The following SEPTIN9 variants were observed in gnomAD, a reference collection of about 807,000 sequenced individuals.
SEPTIN9 encodes the protein septin-9.
A neutral mutation model predicts 56.6 loss-of-function variants in SEPTIN9; 13 were observed. The observed-to-expected ratio is 0.23, with a 90% CI of 0.15 to 0.37. The LOEUF is 0.37. SEPTIN9 is among the 10% of genes least tolerant of loss of function. SEPTIN9 has a pLI of 1.00. For missense variants in SEPTIN9, 650 were observed against 823.1 expected (o/e 0.79, Z 2.57); for synonymous variants, 332 against 334.1 (o/e 0.99, Z 0.07).
chr17:77,497,083 G>A (rs2040299879), intron 10 of SEPTIN9: 2 of 607,818 alleles, frequency 3.3e-6, no homozygotes, highest in South Asian at 3.7e-5. Context: ...CAGGAGCTGA[G>A]CTGTCCAGGA....
intron 4 of SEPTIN9, among the ~76,000 whole-genome samples, chr17:77,485,100 TGTGGTGATGTGGGTGGTG>T (rs1555678812): frequency 2.5e-3 from 7 of 2,782 alleles, no homozygotes; most frequent in Admixed American, 0.011. Flanking sequence ...TGGTGGTGAT[TGTGGTGATGTGGGTGGTG>T]GTGGTGATGT....
intron 2 of SEPTIN9, among the ~76,000 whole-genome samples, chr17:77,332,800 G>A (rs571450872): frequency 2.6e-5 from 4 of 152,160 alleles, no homozygotes; most frequent in Non-Finnish European, 4.4e-5. Flanking sequence ...AGGTGCCAGC[G>A]ATTTGTTCTG....
Position 77,346,825 on chromosome 17 carries a change from G to C in SEPTIN9, c.76+39628G>C, listed in dbSNP as rs192924651. 3.4e-4 allele frequency among the ~76,000 whole-genome samples: 52 copies of C among 152,234 alleles called. 1 individual carries two copies. The highest frequency in any genetic ancestry group is 1.2e-3 in the African/African-American group (49 of 41,520). ...GGAGCTTAATCTCTGGTGCAGTGGT[G>C]TTGGGAATTGGGGCATCAGGGAAGT... On this transcript the variant is annotated intron_variant, in intron 2 of 11. Coordinates refer to ENST00000427177, the MANE Select transcript of SEPTIN9 (RefSeq NM_001113491.2).
chr17:77,413,063 G>A (rs1215427047), intron 3 of SEPTIN9, among the ~76,000 whole-genome samples: 3 of 151,264 alleles, frequency 2.0e-5, no homozygotes, highest in Admixed American at 6.6e-5. Flanking sequence ...ACACAGCAGC[G>A]AGCTTGGTCT....
In SEPTIN9 at chr17:77,323,267, G is replaced by T. The variant is rs758557013; in HGVS notation, c.76+16070G>T. Reference sequence around the variant, plus strand: ...ATGAGTCATGGAGTGGTGACTGGCCGCTGAGGCATGGAAGGCCACTCCTTC... The same window carrying T: ...ATGAGTCATGGAGTGGTGACTGGCCTCTGAGGCATGGAAGGCCACTCCTTC... On this transcript the variant is annotated intron_variant, in intron 2 of 11. Coordinates refer to ENST00000427177, the MANE Select transcript of SEPTIN9 (RefSeq NM_001113491.2). The surrounding 1 kb of genome is among the most constrained non-coding windows in gnomAD (Gnocchi z 6.8). Among the ~76,000 whole-genome samples the T allele has an allele frequency of 6.6e-6, 1 of 152,152 alleles. No individual in the cohort carries two copies. The highest frequency in any genetic ancestry group is 1.5e-5 in the Non-Finnish European group (1 of 68,018).
rs1338602320 is a variant in SEPTIN9, at chr17:77,453,523, T to C, written c.722-28621T>C. Among the ~76,000 whole-genome samples the C allele has an allele frequency of 6.6e-6, 1 of 151,490 alleles. No individual in the cohort carries two copies. Among genetic ancestry groups the C allele is most frequent in the East Asian group, 1.9e-4 (1 of 5,160 alleles). On this transcript the variant is annotated intron_variant, in intron 3 of 11. Coordinates refer to ENST00000427177, the MANE Select transcript of SEPTIN9 (RefSeq NM_001113491.2). This position sits in a 1 kb window ranked among gnomAD's most constrained non-coding sequence, Gnocchi z 4.4. ...GGGAGGCTGAGACAGGAGAATCACTTGAACCTGGGAGGTGGAGGTTGCAGT... is the reference window on the plus strand; with the variant it reads ...GGGAGGCTGAGACAGGAGAATCACTCGAACCTGGGAGGTGGAGGTTGCAGT...
rs2037685702 is a variant in SEPTIN9 at position 77,445,091 on chromosome 17, G to A, written c.722-37053G>A. The A allele has an allele frequency of 2.2e-6, 1 of 448,642 alleles. No homozygotes were observed. The highest frequency in any genetic ancestry group is 2.0e-5 in the African/African-American group (1 of 49,328). 27.8% of individuals were successfully genotyped at this position (448,642 alleles called of 1,614,324 possible). On this transcript the variant is annotated intron_variant, in intron 3 of 11. Coordinates refer to ENST00000427177, the MANE Select transcript of SEPTIN9 (RefSeq NM_001113491.2). The surrounding 1 kb of genome is among the most constrained non-coding windows in gnomAD (Gnocchi z 4.7). ...GAGGCCCCTCTGTCCCACCATGCCT[G>A]CCTGGGGACGGCCTTCACTCGGGCT...
At chr17:77,343,236 A>G (rs1460091077) in intron 2 of SEPTIN9, among the ~76,000 whole-genome samples, 1 of 151,924 alleles carries the variant, frequency 6.6e-6, no homozygotes, top group Non-Finnish European at 1.5e-5. Flanking sequence ...TTTCCCATCC[A>G]CCTCCTGCGA....
intron 3 of SEPTIN9, among the ~76,000 whole-genome samples, chr17:77,403,140 T>G (rs2035959205): frequency 2.0e-5 from 3 of 152,056 alleles, no homozygotes; most frequent in African/African-American, 7.2e-5. Context: ...TGGCTCCTGC[T>G]TGAGGAATTG....
intron 1 of SEPTIN9, among the ~76,000 whole-genome samples, chr17:77,299,007 C>G (rs770750386): frequency 6.6e-6 from 1 of 152,186 alleles, no homozygotes; most frequent in Non-Finnish European, 1.5e-5. Flanking sequence ...TCCTCACTCT[C>G]TCTGCATCCT....
rs1437083082 is a variant in SEPTIN9, at chr17:77,421,530, C to CAA, written c.721+18827_721+18828insAA. Among the ~76,000 whole-genome samples the CAA allele has an allele frequency of 6.6e-6, 1 of 152,200 alleles. No homozygotes were observed. The highest frequency in any genetic ancestry group is 1.5e-5 in the Non-Finnish European group (1 of 68,046). ...GCTCCGGCAAGAGCAGGGAGGCTCACGTCTCTGCCTGCTGGTTTTGCTTCC... is the reference window on the plus strand; with the variant it reads ...GCTCCGGCAAGAGCAGGGAGGCTCACAAGTCTCTGCCTGCTGGTTTTGCTTCC... On this transcript the variant is annotated intron_variant, in intron 3 of 11. Transcript: ENST00000427177. This position sits in a 1 kb window ranked among gnomAD's most constrained non-coding sequence, Gnocchi z 4.6.
intron 3 of SEPTIN9, among the ~76,000 whole-genome samples, chr17:77,479,548 G>C (rs1003243471): frequency 6.6e-6 from 1 of 152,236 alleles, no homozygotes; most frequent in Non-Finnish European, 1.5e-5. Flanking sequence ...TGGCAAAGAT[G>C]GGGCTCGGCT....
intron 3 of SEPTIN9, among the ~76,000 whole-genome samples, chr17:77,473,946 T>C (rs946154762): frequency 2.0e-5 from 3 of 152,234 alleles, no homozygotes; most frequent in Non-Finnish European, 4.4e-5. Context: ...AGAGCAGTTC[T>C]TTCTCTGAGG....
chr17:77,281,552 C>G lies in SEPTIN9; in HGVS notation c.17C>G (p.Ser6Ter). The stretch of plus-strand genomic sequence containing the variant: ...GGAGGCACCATGAAGAAGTCTTACT[C>G]AGGTGGGCTTCGCGCCCGGGGTGGG... The part of the protein sequence containing the change: MKKSY[S>*]GGTRTSSGRL... Residue 6 changes from serine (S) to a stop codon, truncating the protein, a stop_gained and splice_region_variant, in exon 1 of 12, where the codon TCA becomes TGA. Transcript: ENST00000427177. LOFTEE classifies it high-confidence loss of function. The G allele has an allele frequency of 6.5e-7, 1 of 1,545,282 alleles. No individual in the cohort carries two copies. Among genetic ancestry groups the G allele is most frequent in the Non-Finnish European group, 8.7e-7 (1 of 1,145,570 alleles).
chr17:77,366,763 G>A (rs1233651850), intron 2 of SEPTIN9, among the ~76,000 whole-genome samples: 2 of 152,214 alleles, frequency 1.3e-5, no homozygotes, highest in East Asian at 1.9e-4. Flanking sequence ...AGCAGGGCTG[G>A]GGAACTCCAA....
intron 2 of SEPTIN9, among the ~76,000 whole-genome samples, chr17:77,372,205 C>T (rs765217403): frequency 6.6e-6 from 1 of 152,136 alleles, no homozygotes; most frequent in Non-Finnish European, 1.5e-5. Context: ...GTCTAAGGGA[C>T]GGGGTGACAG....
At chr17:77,324,755 C>A (rs1046888808) in intron 2 of SEPTIN9, among the ~76,000 whole-genome samples, 3 of 151,628 alleles carry the variant, frequency 2.0e-5, no homozygotes, top group African/African-American at 7.3e-5. Flanking sequence ...CATATCTGAC[C>A]TATGATTTGC....
At chr17:77,486,487 G>T (rs2039784486) in intron 4 of SEPTIN9, among the ~76,000 whole-genome samples, 2 of 143,644 alleles carry the variant, frequency 1.4e-5, no homozygotes, top group African/African-American at 5.4e-5. Flanking sequence ...AGTCTGGAGG[G>T]GTGTGTGTGT....
At chr17:77,328,753 G>A (rs562915689) in intron 2 of SEPTIN9, among the ~76,000 whole-genome samples, 65 of 152,228 alleles carry the variant, frequency 4.3e-4, no homozygotes, top group Non-Finnish European at 7.5e-4. Flanking sequence ...AGACACAGTC[G>A]CTGGTCGCTT....
Sources: allele counts gnomAD v4.1 joint callset (sites outside exome capture counted in the v4.1 genomes callset), GRCh38; gene constraint gnomAD v4.1.1; non-coding constraint Gnocchi (gnomAD v3.1); transcripts MANE v1.5; gene names NCBI Gene and HGNC (gene_info 2026-07-23, HGNC 2026-07-21).